Variants in NSG2 observed in about 807,000 individuals in gnomAD.
NSG2 encodes neuronal vesicle trafficking-associated protein 2.
NSG2 carries 4 observed loss-of-function variants against 16.9 expected under a neutral mutation model. That is an observed-to-expected ratio of 0.24 (90% CI 0.12 to 0.54). The LOEUF is 0.54. Among genes scored for constraint, NSG2 ranks in the 20% least tolerant of loss-of-function variants. NSG2 has a pLI of 0.95. For synonymous variants in NSG2, 98 were observed against 88.7 expected, an observed-to-expected ratio of 1.11 and a Z score of -0.59; for missense variants, 179 against 221.1, an observed-to-expected ratio of 0.81 and a Z score of 1.21.
intron 3 of NSG2, among the ~76,000 whole-genome samples, chr5:174,087,613 C>T (rs1267709787): frequency 6.6e-6 from 1 of 151,428 alleles, no homozygotes; most frequent in Non-Finnish European, 1.5e-5. Context: ...GACTCCATCT[C>T]TACAAAAAAA....
At chr5:174,081,030 G>A (rs1339656627) in intron 3 of NSG2, among the ~76,000 whole-genome samples, 1 of 149,286 alleles carries the variant, frequency 6.7e-6, no homozygotes, top group Non-Finnish European at 1.5e-5. Flanking sequence ...CTTTTCTTTT[G>A]TTGTTTTTTA....
intron 2 of NSG2, among the ~76,000 whole-genome samples, chr5:174,049,364 CA>C (rs1232602918): frequency 6.6e-6 from 1 of 151,740 alleles, no homozygotes; most frequent in African/African-American, 2.4e-5. Context: ...AACAAACAAA[CA>C]AAAAAACAAA....
At chr5:174,102,177 G>C (rs930807853) in intron 3 of NSG2, among the ~76,000 whole-genome samples, 1 of 152,134 alleles carries the variant, frequency 6.6e-6, no homozygotes, top group African/African-American at 2.4e-5. Flanking sequence ...GACGGTGTCT[G>C]CCCATGAGAT....
At chr5:174,084,112 A>G (rs1441644627) in intron 3 of NSG2, 2 of 152,304 alleles carry the variant, frequency 1.3e-5, no homozygotes, top group South Asian at 4.2e-4. Flanking sequence ...CCTCCAACTT[A>G]TGGCCATCCT....
intron 2 of NSG2, among the ~76,000 whole-genome samples, chr5:174,050,740 C>T (rs887503238): frequency 6.6e-6 from 1 of 152,154 alleles, no homozygotes; most frequent in African/African-American, 2.4e-5. Flanking sequence ...ACTGGTCCCC[C>T]AGACAGAACA....
chr5:174,085,201 GAGCTTTACATCC>G (rs1760586579), intron 3 of NSG2, among the ~76,000 whole-genome samples: 1 of 152,166 alleles, frequency 6.6e-6, no homozygotes, highest in Non-Finnish European at 1.5e-5. Context: ...ACATTTATGG[GAGCTTTACATCC>G]AGCATCTTTG....
chr5:174,062,923 T>A lies in NSG2; in HGVS notation c.130-1309T>A, dbSNP rs114744680. 5.8e-3 allele frequency among the ~76,000 whole-genome samples: 883 copies of A among 152,318 alleles called. 5 individuals carry two copies. Among genetic ancestry groups the A allele is most frequent in the African/African-American group, 0.02 (842 of 41,572 alleles). The stretch of plus-strand genomic sequence containing the variant: ...CGTTTTCAGTGAAAATTCTGTTAAT[T>A]TGAGCCATAATGGGAAGTAGGAGTG... On this transcript the variant is annotated intron_variant, in intron 2 of 4. Coordinates refer to ENST00000303177, the MANE Select transcript of NSG2 (RefSeq NM_015980.5).
intron 2 of NSG2, 87 bp from the exon 3 acceptor site, chr5:174,064,143 CAT>C (rs1363684649): frequency 7.2e-6 from 6 of 836,608 alleles, no homozygotes; most frequent in Non-Finnish European, 1.1e-5. Flanking sequence ...ATCTTTATGT[CAT>C]GTGTAATAAA....
At chr5:174,079,285 T>A (rs1299675346) in intron 3 of NSG2, among the ~76,000 whole-genome samples, 1 of 150,846 alleles carries the variant, frequency 6.6e-6, no homozygotes, top group Non-Finnish European at 1.5e-5. Flanking sequence ...TTAGATGGAG[T>A]CTTGCTCTGT....
chr5:174,104,308 T>C lies in NSG2; in HGVS notation c.294T>C (p.Asp98=). Reference sequence around the variant, plus strand: ...TGGTTTACAAAGCCTTCACCTATGATCACAGCTGCCCAGAGGGATTCGTCT... The same window carrying C: ...TGGTTTACAAAGCCTTCACCTATGACCACAGCTGCCCAGAGGGATTCGTCT... ...FLVVYKAFTY[D]HSCPEGFVYK... The change falls in exon 4 of 5, where the codon GAT becomes GAC. Residue 98 remains aspartate, a synonymous_variant. Coordinates refer to ENST00000303177, the MANE Select transcript of NSG2 (RefSeq NM_015980.5). The C allele has an allele frequency of 1.9e-6, 3 of 1,614,054 alleles. No individual in the cohort carries two copies. The highest frequency in any genetic ancestry group is 2.2e-5 in the East Asian group (1 of 44,882).
At chr5:174,106,181 GT>G (rs1387200141) in intron 4 of NSG2, among the ~76,000 whole-genome samples, 1 of 152,124 alleles carries the variant, frequency 6.6e-6, no homozygotes. Context: ...AATAAAAATG[GT>G]TCATCAGGAG....
intron 1 of NSG2, 62 bp downstream of exon 1, chr5:174,045,905 C>G (rs1759788088): frequency 1.3e-5 from 2 of 152,378 alleles, no homozygotes; most frequent in African/African-American, 4.8e-5. Context: ...CTTTCACCCC[C>G]ACAACAACCC....
intron 3 of NSG2, among the ~76,000 whole-genome samples, chr5:174,066,989 CAAAAAAAAA>C (rs543368373): frequency 1.8e-4 from 5 of 27,946 alleles, no homozygotes; most frequent in Non-Finnish European, 3.5e-4. Context: ...GACTCTGTCT[CAAAAAAAAA>C]AAAAAAAAAA....
At chr5:174,064,772 C>T (rs1448421498) in intron 3 of NSG2, among the ~76,000 whole-genome samples, 1 of 151,958 alleles carries the variant, frequency 6.6e-6, no homozygotes, top group East Asian at 1.9e-4. Context: ...GGAGGGGCCG[C>T]GAGGAGCACT....
chr5:174,072,147 A>G lies in NSG2; in HGVS notation c.213+7832A>G, dbSNP rs1330895185. 2.6e-5 allele frequency among the ~76,000 whole-genome samples: 4 copies of G among 152,190 alleles called. No homozygotes were observed. In the East Asian group the frequency reaches 7.7e-4, roughly 29 times the overall value. ...TCCTTTCTTCTCTGTTCTCACTCCA[A>G]CACTCTGGTTCAACCCACATCACCA... On this transcript the variant is annotated intron_variant, in intron 3 of 4. Coordinates refer to ENST00000303177, the MANE Select transcript of NSG2 (RefSeq NM_015980.5). This position sits in a 1 kb window ranked among gnomAD's most constrained non-coding sequence, Gnocchi z 4.0.
chr5:174,068,880 G>A (rs375929320), intron 3 of NSG2, among the ~76,000 whole-genome samples: 15 of 123,406 alleles, frequency 1.2e-4, no homozygotes, highest in Non-Finnish European at 2.2e-4. Flanking sequence ...TGCTGGTGTC[G>A]TGGGAATCCT....
chr5:174,054,422 A>G (rs981799277), intron 2 of NSG2, among the ~76,000 whole-genome samples: 6 of 152,174 alleles, frequency 3.9e-5, no homozygotes, highest in African/African-American at 1.2e-4. Context: ...TGTCGTCCTG[A>G]AGCTGGAGTG....
At chr5:174,053,102 C>G (rs1759917773) in intron 2 of NSG2, among the ~76,000 whole-genome samples, 1 of 152,134 alleles carries the variant, frequency 6.6e-6, no homozygotes, top group African/African-American at 2.4e-5. Context: ...GTTCAAATCT[C>G]AGCTAAGCTA....
At chr5:174,084,079 T>G (rs1760548942) in intron 3 of NSG2, 1 of 152,214 alleles carries the variant, frequency 6.6e-6, no homozygotes, top group Admixed American at 6.5e-5. Flanking sequence ...CTGCTGCAAG[T>G]AGGGACACTG....
Sources: gnomAD v4.1 joint callset for allele counts (sites outside exome capture counted in the v4.1 genomes callset) on GRCh38, gnomAD v4.1.1 for gene constraint, Gnocchi (gnomAD v3.1) non-coding constraint, MANE v1.5 for transcripts, NCBI Gene and HGNC (gene_info 2026-07-23, HGNC 2026-07-21) for gene names.